The following CRY1 variants were observed in gnomAD, a reference collection of about 807,000 sequenced individuals.
CRY1 encodes the protein cryptochrome-1.
In CRY1, 45 loss-of-function variants were observed where a neutral mutation model predicts 76.0. The ratio of observed to expected loss-of-function variants is 0.59; its 90% CI spans 0.47 to 0.76. The LOEUF is 0.76. CRY1 is among the 30% of genes least tolerant of loss of function. The pLI is 0.00. For synonymous variants in CRY1, 248 were observed against 244.0 expected (o/e 1.02, Z -0.15); for missense variants, 587 against 716.4 (o/e 0.82, Z 2.06).
chr12:107,057,707 G>GGT (rs774217134), intron 1 of CRY1, among the ~76,000 whole-genome samples: 1 of 151,770 alleles, frequency 6.6e-6, no homozygotes, highest in Non-Finnish European at 1.5e-5. Flanking sequence ...CTCCAGCCTG[G>GGT]GTGACAGAGC....
chr12:106,997,676 A>T lies in CRY1; in HGVS notation c.1304T>A (p.Val435Asp), dbSNP rs1180689451. The part of the protein sequence containing the change: ...NGDYIRRYLP[V>D]LRGFPAKYIY... ...ATATTTTGCAGGGAAGCCTCTTAGG[A>T]CAGGCAAATAACGCCTTTGGGAGAA... is the stretch of plus-strand genomic sequence containing the variant. Residue 435 changes from valine (V) to aspartate (D), a missense_variant, in exon 9 of 13, where the codon GTC becomes GAC. Coordinates refer to ENST00000008527, the MANE Select transcript of CRY1 (RefSeq NM_004075.5). 3 of 1,613,930 alleles carry T rather than the reference A, an allele frequency of 1.9e-6. No individual in the cohort carries two copies. The highest frequency in any genetic ancestry group is 1.7e-5 in the Admixed American group (1 of 60,002).
chr12:107,012,089 C>T (rs1952451575), intron 2 of CRY1, among the ~76,000 whole-genome samples: 1 of 152,190 alleles, frequency 6.6e-6, no homozygotes, highest in Non-Finnish European at 1.5e-5. Flanking sequence ...ACTCAGGAGG[C>T]TGAGGCAGGA....
At chr12:107,025,281 A>G (rs980865909) in intron 1 of CRY1, among the ~76,000 whole-genome samples, 1 of 152,204 alleles carries the variant, frequency 6.6e-6, no homozygotes, top group Non-Finnish European at 1.5e-5. Context: ...TACACTACAT[A>G]TGTATCTGGT....
intron 1 of CRY1, among the ~76,000 whole-genome samples, chr12:107,051,171 T>C (rs1445705455): frequency 1.3e-5 from 2 of 152,174 alleles, no homozygotes; most frequent in Non-Finnish European, 2.9e-5. Context: ...CCTAACCATA[T>C]AGCTGTTATG....
rs572438967 is a variant in CRY1 at position 107,007,591 on chromosome 12, G to T, written c.268-2343C>A. ...GTTGCCCAAGCTGGAGTGCAATGGT[G>T]CAATCATAGCTCATTGCAACCTCAG... On this transcript the variant is annotated intron_variant, in intron 2 of 12. Coordinates refer to ENST00000008527, the MANE Select transcript of CRY1 (RefSeq NM_004075.5). Among the ~76,000 whole-genome samples the T allele has an allele frequency of 7.2e-4, 109 of 150,666 alleles. 1 individual carries two copies. The highest frequency in any genetic ancestry group is 1.2e-3 in the Non-Finnish European group (78 of 67,796).
At chr12:107,052,601 T>A (rs1374284261) in intron 1 of CRY1, among the ~76,000 whole-genome samples, 1 of 152,216 alleles carries the variant, frequency 6.6e-6, no homozygotes, top group African/African-American at 2.4e-5. Flanking sequence ...TGGAGACTGG[T>A]ATTTTATATG....
chr12:107,006,499 T>A (rs1418066105), intron 2 of CRY1, among the ~76,000 whole-genome samples: 1 of 152,162 alleles, frequency 6.6e-6, no homozygotes, highest in Non-Finnish European at 1.5e-5. Flanking sequence ...AAACAACTGA[T>A]GGATCAAAGA....
intron 1 of CRY1, among the ~76,000 whole-genome samples, chr12:107,068,898 G>A (rs1477393287): frequency 6.6e-6 from 1 of 152,142 alleles, no homozygotes; most frequent in Non-Finnish European, 1.5e-5. Flanking sequence ...CATCCATGTT[G>A]TAGTATCTCA....
chr12:107,041,531 A>G (rs1432247539), intron 1 of CRY1, among the ~76,000 whole-genome samples: 1 of 152,180 alleles, frequency 6.6e-6, no homozygotes, highest in Non-Finnish European at 1.5e-5. Flanking sequence ...TCTAAATCAC[A>G]TAACAGTATT....
rs1166977923 is a variant in CRY1 at position 107,058,543 on chromosome 12, CAT to C, written c.158+34259_158+34260del. ...GTGCTTACTTTCCTCAGGAAGGTAA[CAT>C]AAAGGGTTATTAAACAAAGTTTAGA... On this transcript the variant is annotated intron_variant, in intron 1 of 12. Coordinates refer to ENST00000008527, the MANE Select transcript of CRY1 (RefSeq NM_004075.5). Among the ~76,000 whole-genome samples the C allele has an allele frequency of 2.6e-5, 4 of 152,234 alleles. No homozygotes were observed. In the East Asian group the frequency reaches 7.7e-4, roughly 29 times the overall value.
intron 2 of CRY1, among the ~76,000 whole-genome samples, chr12:107,013,888 T>A (rs906080118): frequency 6.6e-6 from 1 of 152,250 alleles, no homozygotes. Flanking sequence ...ATCATTAAAA[T>A]TAATTTCACC....
In CRY1 at chr12:107,092,792, C is replaced by T. The variant is rs1953487718; in HGVS notation, c.158+12G>A. ...AACACCCAAATCCATTTCCCACGGG[C>T]TTGTGACTCACCGCCACCTGTTGAT... On this transcript the variant is annotated intron_variant, in intron 1 of 12. Transcript: ENST00000008527. 1.9e-6 allele frequency: 3 copies of T among 1,611,266 alleles called. No homozygotes were observed. The highest frequency in any genetic ancestry group is 2.5e-6 in the Non-Finnish European group (3 of 1,179,678).
At chr12:107,024,243 A>G (rs1952585138) in intron 1 of CRY1, among the ~76,000 whole-genome samples, 1 of 152,208 alleles carries the variant, frequency 6.6e-6, no homozygotes, top group African/African-American at 2.4e-5. Flanking sequence ...TTTTTGGTCA[A>G]AACAATTCTA....
rs147810438 is a variant in CRY1, at chr12:107,092,884, C to G, written c.78G>C (p.Gln26His). ...HDNPALKECIQGADTIRCVYI... is the reference protein window; with the variant it reads ...HDNPALKECIHGADTIRCVYI... The stretch of plus-strand genomic sequence containing the variant: ...AGACGCAGCGGATGGTGTCGGCGCC[C>G]TGAATGCACTCCTTCAGGGCGGGGT... Residue 26 changes from glutamine to histidine, a missense_variant, in exon 1 of 13, where the codon CAG (glutamine) becomes CAC (histidine). Transcript: ENST00000008527. 1.6e-4 allele frequency: 255 copies of G among 1,609,954 alleles called. No homozygotes were observed. Among genetic ancestry groups the G allele is most frequent in the Non-Finnish European group, 1.9e-4 (226 of 1,179,296 alleles).
At position 107,062,033 on chromosome 12, in the gene CRY1, A is replaced by AAAAAAAAAAAAGAAAAAAAG. The variant is rs1420221332; in HGVS notation, c.158+30751_158+30770dup. ...AGAGCAAGACCCTGTCTCAAAAAAA[A>AAAAAAAAAAAAGAAAAAAAG]AAAAAAAAAAAGAAAAAAAGAAAAA... On this transcript the variant is annotated intron_variant, in intron 1 of 12. Coordinates refer to ENST00000008527, the MANE Select transcript of CRY1 (RefSeq NM_004075.5). Among the ~76,000 whole-genome samples, 48 of 150,754 alleles carry AAAAAAAAAAAAGAAAAAAAG rather than the reference A, an allele frequency of 3.2e-4. No homozygotes were observed. The South Asian group carries it at 4.9e-3, about 15-fold the overall frequency.
chr12:107,092,022 G>A (rs1251155418), intron 1 of CRY1, among the ~76,000 whole-genome samples: 1 of 152,088 alleles, frequency 6.6e-6, no homozygotes, highest in Non-Finnish European at 1.5e-5. Context: ...TTGAAGACAT[G>A]ACTTTCTGTC....
At chr12:107,074,983 C>T (rs1007485171) in intron 1 of CRY1, among the ~76,000 whole-genome samples, 4 of 151,620 alleles carry the variant, frequency 2.6e-5, no homozygotes, top group Non-Finnish European at 4.4e-5. Context: ...CCACTGCACT[C>T]TAGCCTGGGC....
intron 1 of CRY1, among the ~76,000 whole-genome samples, chr12:107,052,494 C>CAGAATAAT (rs1952934836): frequency 6.6e-6 from 1 of 151,864 alleles, no homozygotes; most frequent in South Asian, 2.1e-4. Flanking sequence ...GGAGTAAAGA[C>CAGAATAAT]AGAATAATAC....
chr12:107,030,700 G>C (rs1952664887), intron 1 of CRY1, among the ~76,000 whole-genome samples: 1 of 142,904 alleles, frequency 7.0e-6, no homozygotes, highest in Non-Finnish European at 1.5e-5. Context: ...TCTAAGCACT[G>C]ATATTATGTG....
Sources: gnomAD v4.1 joint callset for allele counts (sites outside exome capture counted in the v4.1 genomes callset) on GRCh38, gnomAD v4.1.1 for gene constraint, MANE v1.5 for transcripts, NCBI Gene and HGNC (gene_info 2026-07-23, HGNC 2026-07-21) for gene names.